The following CD72 variants were observed in gnomAD, a reference collection of about 807,000 sequenced individuals.
The protein encoded by CD72 is B-cell differentiation antigen CD72.
Under a neutral mutation model 50.7 loss-of-function variants are expected in CD72, and 28 were observed. The observed-to-expected ratio is 0.55, with a 90% CI of 0.41 to 0.76. The LOEUF (loss-of-function observed/expected upper bound fraction) is 0.76. CD72 is among the 30% of genes least tolerant of loss of function. The pLI is 0.00. For missense variants in CD72, 403 were observed against 420.6 expected (o/e 0.96, Z 0.37); for synonymous variants, 176 against 171.2 (o/e 1.03, Z -0.22).
chr9:35,630,036 C>CTTT lies in CD72; in HGVS notation n.409-11918_409-11916dup, dbSNP rs35481553. 3.0e-3 allele frequency among the ~76,000 whole-genome samples: 391 copies of CTTT among 128,920 alleles called. 5 individuals are homozygous for CTTT. The highest frequency in any genetic ancestry group is 0.023 in the East Asian group (107 of 4,562). 84.6% of individuals were successfully genotyped at this position (128,920 alleles called of 152,430 possible). ...ATATTTGGTAAAGTGAATTTCTTTT[C>CTTT]TTTTTTTTTTTTTTTTGGAGATGGG... On this transcript the variant is annotated intron_variant and non_coding_transcript_variant, in intron 1 of 3. Coordinates refer to the CD72 transcript ENST00000465754.
chr9:35,627,868 C>T (rs914585891), intron 1 of CD72, among the ~76,000 whole-genome samples: 1 of 151,922 alleles, frequency 6.6e-6, no homozygotes, highest in Non-Finnish European at 1.5e-5. Context: ...CAGCGTCTCA[C>T]TCTGTCACCC....
upstream of CD72, chr9:35,619,664 G>C (rs1190736773): frequency 6.6e-6 from 1 of 152,250 alleles, no homozygotes; most frequent in African/African-American, 2.4e-5. Context: ...AGAGGCACGT[G>C]TGCATGTGTG....
At chr9:35,618,666 G>A, upstream of CD72, 1 of 747,806 alleles carries the variant, frequency 1.3e-6, no homozygotes, top group South Asian at 1.6e-5. Flanking sequence ...CTGGTTATCT[G>A]CCCTGATCTG....
chr9:35,615,658 G>T (rs1191529261), intron 5 of CD72, among the ~76,000 whole-genome samples: 1 of 151,550 alleles, frequency 6.6e-6, no homozygotes, highest in African/African-American at 2.4e-5. Context: ...CCTTGTCACT[G>T]ATATCAACCG....
intron 5 of CD72, among the ~76,000 whole-genome samples, chr9:35,615,624 C>T (rs1823052169): frequency 6.6e-6 from 1 of 151,802 alleles, no homozygotes; most frequent in Non-Finnish European, 1.5e-5. Flanking sequence ...AAGTTCACAT[C>T]CAAATTTGGG....
intron 2 of CD72, among the ~76,000 whole-genome samples, chr9:35,617,617 G>A (rs1823086317): frequency 6.6e-6 from 1 of 151,880 alleles, no homozygotes; most frequent in Non-Finnish European, 1.5e-5. Context: ...CCCCCACAGG[G>A]CTGCCCTATC....
chr9:35,616,583 G>A lies in CD72; in HGVS notation c.352+17C>T. On this transcript the variant is annotated intron_variant, in intron 4 of 8. Coordinates refer to ENST00000259633, the MANE Select transcript of CD72 (RefSeq NM_001782.3). ...AGTCGTTCGGTGTAAGTGGGAAGTA[G>A]GGACAGCCTTACTCACAGCGCACTC... The A allele has an allele frequency of 6.3e-7, 1 of 1,597,186 alleles. No individual in the cohort carries two copies. The highest frequency in any genetic ancestry group is 1.1e-5 in the South Asian group (1 of 90,732).
At chr9:35,641,371 G>A (rs1275261168) in intron 1 of CD72, among the ~76,000 whole-genome samples, 1 of 152,220 alleles carries the variant, frequency 6.6e-6, no homozygotes, top group African/African-American at 2.4e-5. Flanking sequence ...GGATTGAAAT[G>A]TATGGCCTGC....
chr9:35,646,605 C>G (rs895718927), exon 1 of CD72: 1 of 152,274 alleles, frequency 6.6e-6, no homozygotes, highest in Non-Finnish European at 1.5e-5. Context: ...CAGGAGAAGA[C>G]AGAGAATCCG....
At chr9:35,630,036 C>CTTTTTT (rs35481553) in intron 1 of CD72, among the ~76,000 whole-genome samples, 9 of 128,970 alleles carry the variant, frequency 7.0e-5, no homozygotes, top group South Asian at 2.3e-4. Context: ...AATTTCTTTT[C>CTTTTTT]TTTTTTTTTT....
chr9:35,630,036 C>CTTTTT (rs35481553), intron 1 of CD72, among the ~76,000 whole-genome samples: 2 of 128,968 alleles, frequency 1.6e-5, no homozygotes, highest in Non-Finnish European at 1.6e-5. Flanking sequence ...AATTTCTTTT[C>CTTTTT]TTTTTTTTTT....
At chr9:35,636,452 C>A (rs1823290586) in intron 1 of CD72, among the ~76,000 whole-genome samples, 1 of 152,110 alleles carries the variant, frequency 6.6e-6, no homozygotes, top group Non-Finnish European at 1.5e-5. Context: ...GATAGGGAAG[C>A]AAGTTAGCAA....
At position 35,617,161 on chromosome 9, in the gene CD72, C is replaced by A; in HGVS notation, c.262+15G>T. On this transcript the variant is annotated intron_variant, in intron 3 of 8. Coordinates refer to ENST00000259633, the MANE Select transcript of CD72 (RefSeq NM_001782.3). Reference sequence around the variant, plus strand: ...AGCACTTGGCCCCGCGGCTGCCCCGCACAGGCACACTCACAGGGGAGAATC... The same window carrying A: ...AGCACTTGGCCCCGCGGCTGCCCCGAACAGGCACACTCACAGGGGAGAATC... 6.4e-7 allele frequency: 1 copy of A among 1,557,044 alleles called. No homozygotes were observed. Among genetic ancestry groups the A allele is most frequent in the African/African-American group, 1.4e-5 (1 of 73,434 alleles).
In CD72 at chr9:35,618,378, G is replaced by A. The variant is rs987126545; in HGVS notation, c.-75C>T. 7.3e-5 allele frequency: 117 copies of A among 1,598,130 alleles called. No individual in the cohort carries two copies. Among genetic ancestry groups the A allele is most frequent in the African/African-American group, 1.6e-4 (12 of 74,684 alleles). ...TCCCTTGCCCCTCTCGTCTCTGTCC[G>A]TTTACAACTAGGCTCTGTGTTCCCT... On this transcript the variant is annotated 5_prime_UTR_variant, in exon 1 of 9. In the 5' UTR this introduces an upstream ATG that the reference lacks. Transcript: ENST00000259633.
intron 1 of CD72, among the ~76,000 whole-genome samples, chr9:35,629,806 T>C (rs749193180): frequency 9.2e-5 from 14 of 152,220 alleles, no homozygotes; most frequent in Non-Finnish European, 1.9e-4. Context: ...CAAGCCCTGC[T>C]AGTGCACAGT....
At chr9:35,611,568 C>T (rs961863280) in intron 7 of CD72, among the ~76,000 whole-genome samples, 2 of 152,110 alleles carry the variant, frequency 1.3e-5, no homozygotes, top group Non-Finnish European at 2.9e-5. Context: ...AGGTCCCAAC[C>T]TAGTAGTTAC....
upstream of CD72, chr9:35,618,577 G>A: frequency 1.4e-6 from 1 of 708,740 alleles, no homozygotes; most frequent in Non-Finnish European, 2.3e-6. Context: ...GGATGGGCCT[G>A]TCCCCATGTC....
intron 1 of CD72, among the ~76,000 whole-genome samples, chr9:35,627,089 C>T (rs775471984): frequency 4.0e-5 from 6 of 151,230 alleles, no homozygotes; most frequent in African/African-American, 1.2e-4. Flanking sequence ...CTGCCCACCT[C>T]GGCCTCCCAA....
At chr9:35,638,694 C>T (rs1349146553) in intron 1 of CD72, among the ~76,000 whole-genome samples, 1 of 151,116 alleles carries the variant, frequency 6.6e-6, no homozygotes, top group East Asian at 1.9e-4. Context: ...CCCAGATGAA[C>T]AGGAAAGAGT....
Sources: gnomAD v4.1 joint callset for allele counts (sites outside exome capture counted in the v4.1 genomes callset) on GRCh38, gnomAD v4.1.1 for gene constraint, MANE v1.5 for transcripts, NCBI Gene and HGNC (gene_info 2026-07-23, HGNC 2026-07-21) for gene names.